CD9: variants seen among roughly 807,000 people sequenced by gnomAD.
The protein encoded by CD9 is CD9 antigen.
In CD9, 10 loss-of-function variants were observed where a neutral mutation model predicts 31.4. The observed-to-expected ratio is 0.32, with a 90% CI of 0.20 to 0.54. CD9 has a LOEUF of 0.54. CD9 is among the 20% of genes least tolerant of loss of function. The pLI, the probability that CD9 is intolerant of heterozygous loss-of-function variation, is 0.94. For synonymous variants in CD9, 113 were observed against 114.1 expected, an observed-to-expected ratio of 0.99 and a Z score of 0.06; for missense variants, 259 against 300.1, an observed-to-expected ratio of 0.86 and a Z score of 1.01.
At chr12:6,236,606 C>G (rs1019278385) in intron 7 of CD9, 2 of 433,704 alleles carry the variant, frequency 4.6e-6, no homozygotes, top group African/African-American at 4.0e-5. Flanking sequence ...CTGTTCTTCT[C>G]CCTAAGAAAG....
chr12:6,210,939 C>A (rs969732661), intron 1 of CD9, among the ~76,000 whole-genome samples: 1 of 150,726 alleles, frequency 6.6e-6, no homozygotes, highest in Non-Finnish European at 1.5e-5. Context: ...TGGGTTCAAG[C>A]GATTGAACAG....
intron 1 of CD9, among the ~76,000 whole-genome samples, chr12:6,212,783 G>A (rs1946205869): frequency 6.6e-6 from 1 of 152,222 alleles, no homozygotes. Flanking sequence ...AATGGCCACA[G>A]AAGGCAGAAG....
intron 1 of CD9, among the ~76,000 whole-genome samples, chr12:6,221,303 C>T (rs1030779314): frequency 3.9e-5 from 6 of 152,158 alleles, no homozygotes; most frequent in South Asian, 2.1e-4. Flanking sequence ...TGGGCAGGGC[C>T]GCGAGCTGGG....
intron 1 of CD9, among the ~76,000 whole-genome samples, chr12:6,216,294 TG>T (rs1946241850): frequency 1.3e-5 from 2 of 152,204 alleles, no homozygotes. Flanking sequence ...TTTTGGGGCC[TG>T]GAAAACTGCT....
At chr12:6,208,777 C>T (rs1019505756) in intron 1 of CD9, among the ~76,000 whole-genome samples, 5 of 151,846 alleles carry the variant, frequency 3.3e-5, no homozygotes, top group African/African-American at 7.3e-5. Context: ...TTGATCAGGC[C>T]GGTCTTGAAC....
Position 6,200,423 on chromosome 12 carries a change from G to A in CD9, c.-77G>A, listed in dbSNP as rs1388372271. ...ACAGCCGCCTGCATCTGTATCCAGCGCCAGGTCCCGCCAGTCCCAGCTGCG... is the reference window on the plus strand; with the variant it reads ...ACAGCCGCCTGCATCTGTATCCAGCACCAGGTCCCGCCAGTCCCAGCTGCG... On this transcript the variant is annotated 5_prime_UTR_variant, in exon 1 of 8. Coordinates refer to ENST00000009180, the MANE Select transcript of CD9 (RefSeq NM_001769.4). 1.5e-5 allele frequency: 14 copies of A among 921,980 alleles called. No homozygotes were observed. Among genetic ancestry groups the A allele is most frequent in the Non-Finnish European group, 2.2e-5 (12 of 556,404 alleles). 57.1% of individuals were successfully genotyped at this position (921,980 alleles called of 1,614,324 possible). A position where few individuals can be genotyped will look rare whatever the true frequency, so the allele number is the denominator to read the frequency against.
At chr12:6,236,789 A>G in intron 7 of CD9, 1 of 264,100 alleles carries the variant, frequency 3.8e-6, no homozygotes, top group Non-Finnish European at 7.1e-6. Flanking sequence ...CAGACGGAAC[A>G]TGGTCCTCGC....
intron 1 of CD9, among the ~76,000 whole-genome samples, chr12:6,209,549 T>G (rs1333281855): frequency 6.6e-6 from 1 of 152,160 alleles, no homozygotes; most frequent in Non-Finnish European, 1.5e-5. Context: ...ATTGCTAAGC[T>G]CAGATGTTTT....
chr12:6,226,780 G>C (rs891167909), intron 2 of CD9, among the ~76,000 whole-genome samples: 1 of 152,264 alleles, frequency 6.6e-6, no homozygotes, highest in African/African-American at 2.4e-5. Context: ...TTGGGGAACA[G>C]GTTTCTATAG....
At chr12:6,208,224 C>CAA (rs574714065) in intron 1 of CD9, among the ~76,000 whole-genome samples, 5 of 96,460 alleles carry the variant, frequency 5.2e-5, no homozygotes, top group African/African-American at 7.6e-5. Flanking sequence ...AACTCCATCT[C>CAA]AAAAAAAAAA....
chr12:6,202,804 GCT>G (rs1373315469), intron 1 of CD9, among the ~76,000 whole-genome samples: 1 of 152,242 alleles, frequency 6.6e-6, no homozygotes, highest in Admixed American at 6.5e-5. Context: ...ATGCAGTCCA[GCT>G]CTCTTATTCA....
chr12:6,210,460 T>G (rs1260569241), intron 1 of CD9, among the ~76,000 whole-genome samples: 1 of 152,188 alleles, frequency 6.6e-6, no homozygotes, highest in African/African-American at 2.4e-5. Flanking sequence ...GCTGTTTTTT[T>G]TAGACTCTCT....
At chr12:6,202,241 G>A (rs913458556) in intron 1 of CD9, among the ~76,000 whole-genome samples, 3 of 152,136 alleles carry the variant, frequency 2.0e-5, no homozygotes, top group Non-Finnish European at 4.4e-5. Context: ...CGGCATATAG[G>A]TGTGCTCCTT....
At chr12:6,235,989 G>T (rs1386977394) in intron 6 of CD9, 32 of 1,422,456 alleles carry the variant, frequency 2.2e-5, no homozygotes, top group Non-Finnish European at 2.8e-5. Flanking sequence ...GTCCTGCCCA[G>T]ATTTTAGGGA....
intron 2 of CD9, among the ~76,000 whole-genome samples, chr12:6,229,956 A>G (rs1022752562): frequency 1.3e-5 from 2 of 152,162 alleles, no homozygotes; most frequent in Non-Finnish European, 2.9e-5. Flanking sequence ...ACAGCAAGCT[A>G]ACATTCGCTT....
intron 4 of CD9, 55 bp from the exon 5 acceptor site, chr12:6,235,174 G>A (rs756228499): frequency 5.0e-5 from 62 of 1,243,582 alleles, no homozygotes; most frequent in Non-Finnish European, 6.0e-5. Flanking sequence ...ACATTTGTTC[G>A]TGGAGGAAGA....
intron 1 of CD9, among the ~76,000 whole-genome samples, chr12:6,214,360 T>TTTTTTTC (rs1946221679): frequency 7.2e-6 from 1 of 138,890 alleles, no homozygotes; most frequent in Non-Finnish European, 1.5e-5. Flanking sequence ...TTTTTTTTTT[T>TTTTTTTC]TTTTTTTTGA....
intron 7 of CD9, chr12:6,236,488 T>C (rs935582918): frequency 5.2e-6 from 3 of 580,314 alleles, no homozygotes; most frequent in Non-Finnish European, 6.1e-6. Flanking sequence ...TATCTGAGGC[T>C]CCCCCTGGGC....
chr12:6,225,368 G>A (rs1017876274), intron 1 of CD9, 58 bp from the exon 2 acceptor site: 124 of 1,134,260 alleles, frequency 1.1e-4, no homozygotes, highest in Non-Finnish European at 2.2e-5. Context: ...TTAAGCGCGT[G>A]GGGACTGTGT....
Sources: allele counts gnomAD v4.1 joint callset (sites outside exome capture counted in the v4.1 genomes callset), GRCh38; gene constraint gnomAD v4.1.1; transcripts MANE v1.5; gene names NCBI Gene and HGNC (gene_info 2026-07-23, HGNC 2026-07-21).